Variants in CCL22 observed in about 807,000 individuals in gnomAD.
CCL22 encodes C-C motif chemokine 22.
In CCL22, 7 loss-of-function variants were observed where a neutral mutation model predicts 7.6. That is an observed-to-expected ratio of 0.92 (90% confidence interval 0.52 to 1.72). CCL22 has a LOEUF of 1.72. Among genes scored for constraint, CCL22 ranks in the 40% most tolerant of loss-of-function variants. The pLI, the probability that CCL22 is intolerant of heterozygous loss-of-function variation, is 0.00. For missense variants in CCL22, 115 were observed against 124.7 expected (o/e 0.92, Z 0.37); for synonymous variants, 55 against 47.2 (o/e 1.17, Z -0.68).
At chr16:57,360,094 G>A (rs896554063) in intron 1 of CCL22, among the ~76,000 whole-genome samples, 30 of 152,174 alleles carry the variant, frequency 2.0e-4, no homozygotes, top group African/African-American at 7.2e-4. Context: ...CTTTCTGAGT[G>A]CTTTTCATGC....
At chr16:57,358,119 A>G (rs993325973), upstream of CCL22, among the ~76,000 whole-genome samples, 10 of 152,164 alleles carry the variant, frequency 6.6e-5, no homozygotes, top group African/African-American at 2.4e-4. Flanking sequence ...AGAGAGATTT[A>G]GGAAGCAGAA....
chr16:57,361,207 C>G (rs192630790), intron 2 of CCL22, among the ~76,000 whole-genome samples: 2 of 146,370 alleles, frequency 1.4e-5, no homozygotes, highest in African/African-American at 2.6e-5. Flanking sequence ...TGCAGTGAGC[C>G]GAGATCGCTC....
intron 2 of CCL22, among the ~76,000 whole-genome samples, chr16:57,361,882 C>T (rs1902054042): frequency 6.6e-6 from 1 of 152,124 alleles, no homozygotes; most frequent in Non-Finnish European, 1.5e-5. Context: ...AGCAGGAAGC[C>T]CTCCCAGAGT....
intron 2 of CCL22, 45 bp downstream of exon 2, chr16:57,360,605 G>A: frequency 3.7e-6 from 6 of 1,612,500 alleles, no homozygotes; most frequent in Non-Finnish European, 5.1e-6. Flanking sequence ...GGCCTGACGG[G>A]TACAGCCTGG....
rs774576791 is a variant in CCL22 at position 57,364,235 on chromosome 16, G to T, written c.*647G>T. 2 of 152,700 alleles carry T rather than the reference G, an allele frequency of 1.3e-5. No individual in the cohort carries two copies. Among genetic ancestry groups the T allele is most frequent in the African/African-American group, 4.8e-5 (2 of 41,428 alleles). 9.5% of individuals were successfully genotyped at this position (152,700 alleles called of 1,614,324 possible). On this transcript the variant is annotated 3_prime_UTR_variant, in exon 3 of 3. Coordinates refer to ENST00000219235, the MANE Select transcript of CCL22 (RefSeq NM_002990.5). ...CCCACCTCTCCACTAGTTGGACCAA[G>T]GTTTCTAGCTAAGTTACTCTAGTCT...
At chr16:57,359,014 C>G (rs1422995392) in intron 1 of CCL22, 125 bp downstream of exon 1, 8 of 762,496 alleles carry the variant, frequency 1.0e-5, no homozygotes, top group East Asian at 2.6e-5. Flanking sequence ...GCTCTTGCGG[C>G]CTTCGGCTAG....
intron 1 of CCL22, 93 bp from the exon 2 acceptor site, chr16:57,360,344 C>T: frequency 6.7e-7 from 1 of 1,484,522 alleles, no homozygotes; most frequent in Non-Finnish European, 9.2e-7. Flanking sequence ...GCATCTCTTT[C>T]CTGGAGCCTG....
chr16:57,362,745 C>T (rs867777622), intron 2 of CCL22, among the ~76,000 whole-genome samples: 2 of 152,096 alleles, frequency 1.3e-5, no homozygotes, highest in East Asian at 3.9e-4. Context: ...CCTGTAATCC[C>T]GGCTACTCGG....
intron 1 of CCL22, among the ~76,000 whole-genome samples, chr16:57,359,171 C>A (rs1344901055): frequency 1.3e-5 from 2 of 151,914 alleles, no homozygotes; most frequent in Non-Finnish European, 2.9e-5. Flanking sequence ...AAGCATAGGG[C>A]CCTAGGGGTG....
At position 57,358,849 on chromosome 16, in the gene CCL22, C is replaced by T; in HGVS notation, c.33C>T (p.Val11=). The T allele has an allele frequency of 6.2e-7, 1 of 1,613,912 alleles. No individual in the cohort carries two copies. The highest frequency in any genetic ancestry group is 1.1e-5 in the South Asian group (1 of 91,058). MDRLQTALLV[V]LVLLAVALQA... ...GCCTACAGACTGCACTCCTGGTTGT[C>T]CTCGTCCTCCTTGCTGTGGCGCTTC... Residue 11 remains valine, a synonymous_variant, in exon 1 of 3, where the codon GTC becomes GTT. Transcript: ENST00000219235.
At chr16:57,359,798 A>G (rs1317854845) in intron 1 of CCL22, among the ~76,000 whole-genome samples, 2 of 151,924 alleles carry the variant, frequency 1.3e-5, no homozygotes, top group African/African-American at 4.8e-5. Context: ...ATGCCCGGCT[A>G]ATTTTTGTAT....
At position 57,359,693 on chromosome 16, in the gene CCL22, C is replaced by T. The variant is rs530884189; in HGVS notation, c.74-744C>T. 7.6e-5 allele frequency among the ~76,000 whole-genome samples: 11 copies of T among 145,682 alleles called. No homozygotes were observed. In the South Asian group the frequency reaches 1.6e-3, roughly 21 times the overall value. Reference sequence around the variant, plus strand: ...TGTTGCCCAGGCTGGAGTGCAGTGGCGCAATCTCAGCTCACTGCAACCTCC... The same window carrying T: ...TGTTGCCCAGGCTGGAGTGCAGTGGTGCAATCTCAGCTCACTGCAACCTCC... On this transcript the variant is annotated intron_variant, in intron 1 of 2. Transcript: ENST00000219235.
intron 2 of CCL22, 141 bp from the exon 3 acceptor site, chr16:57,363,363 T>TA (rs2146499173): frequency 1.7e-6 from 1 of 604,346 alleles, no homozygotes; most frequent in East Asian, 2.8e-5. Flanking sequence ...ATTTAGCAGA[T>TA]AATGTCATAT....
chr16:57,358,743 G>A, upstream of CCL22: 1 of 1,140,248 alleles, frequency 8.8e-7, no homozygotes, highest in South Asian at 1.2e-5. Context: ...CTTGTGGGTG[G>A]AGCCAGCACC....
chr16:57,358,736 G>A (rs769415957), upstream of CCL22: 14 of 1,050,482 alleles, frequency 1.3e-5, no homozygotes, highest in Non-Finnish European at 2.1e-5. Context: ...AGTGAGGCTT[G>A]TGGGTGGAGC....
chr16:57,360,757 C>T (rs1026766974), intron 2 of CCL22, among the ~76,000 whole-genome samples, 197 bp downstream of exon 2: 1 of 152,204 alleles, frequency 6.6e-6, no homozygotes, highest in South Asian at 2.1e-4. Flanking sequence ...ATAATGTGAT[C>T]GTTTAGCCAA....
Position 57,358,875 on chromosome 16 carries a change from A to C in CCL22, c.59A>C (p.Gln20Pro). Reference sequence around the variant, plus strand: ...CTCGTCCTCCTTGCTGTGGCGCTTCAAGCAACTGAGGCAGGTGAGGCTGGG... The same window carrying C: ...CTCGTCCTCCTTGCTGTGGCGCTTCCAGCAACTGAGGCAGGTGAGGCTGGG... ...VVLVLLAVALQATEAGPYGAN... is the reference protein window; with the variant it reads ...VVLVLLAVALPATEAGPYGAN... Residue 20 changes from glutamine (Q) to proline (P), a missense_variant, in exon 1 of 3, where the codon CAA becomes CCA. Transcript: ENST00000219235. The C allele has an allele frequency of 6.2e-7, 1 of 1,613,616 alleles. No individual in the cohort carries two copies. The highest frequency in any genetic ancestry group is 1.1e-5 in the South Asian group (1 of 91,052).
intron 2 of CCL22, among the ~76,000 whole-genome samples, chr16:57,363,023 C>G (rs1902066357): frequency 6.6e-6 from 1 of 151,452 alleles, no homozygotes; most frequent in South Asian, 2.1e-4. Flanking sequence ...CACGGGGTCT[C>G]ATTCTGTTGC....
At position 57,359,823 on chromosome 16, in the gene CCL22, G is replaced by A. The variant is rs140292185; in HGVS notation, c.74-614G>A. Among the ~76,000 whole-genome samples, 239 of 152,136 alleles carry A rather than the reference G, an allele frequency of 1.6e-3. 1 individual carries two copies. The highest frequency in any genetic ancestry group is 5.2e-3 in the African/African-American group (215 of 41,502). ...AATTTTTGTATTTTTAGTAAAGATGGGGTTTCACCATGCTGACCGGTCTTG... is the reference window on the plus strand; with the variant it reads ...AATTTTTGTATTTTTAGTAAAGATGAGGTTTCACCATGCTGACCGGTCTTG... On this transcript the variant is annotated intron_variant, in intron 1 of 2. Coordinates refer to ENST00000219235, the MANE Select transcript of CCL22 (RefSeq NM_002990.5).
Sources: allele counts gnomAD v4.1 joint callset (sites outside exome capture counted in the v4.1 genomes callset), GRCh38; gene constraint gnomAD v4.1.1; transcripts MANE v1.5; gene names NCBI Gene and HGNC (gene_info 2026-07-23, HGNC 2026-07-21).